The following SLC6A11 variants were observed in gnomAD, a reference collection of about 807,000 sequenced individuals.
SLC6A11 encodes the protein solute carrier family 6 member 11.
In SLC6A11, 25 loss-of-function variants were observed where a neutral mutation model predicts 74.8. The ratio of observed to expected loss-of-function variants is 0.33; its 90% CI spans 0.24 to 0.47. The LOEUF (loss-of-function observed/expected upper bound fraction) is 0.47, where lower values mean the gene tolerates loss of function less well. SLC6A11 is among the 20% of genes least tolerant of loss of function. The pLI, the probability that SLC6A11 is intolerant of heterozygous loss-of-function variation, is 1.00. For synonymous variants in SLC6A11, 330 were observed against 330.2 expected (o/e 1.00, Z 0.01); for missense variants, 574 against 837.0 (o/e 0.69, Z 3.88).
intron 7 of SLC6A11, among the ~76,000 whole-genome samples, chr3:10,914,948 C>T (rs1165800106): frequency 6.6e-6 from 1 of 152,114 alleles, no homozygotes. Context: ...ACCATGAGGA[C>T]GTGGGCTGGA....
At chr3:10,861,784 G>T (rs1559563183) in intron 5 of SLC6A11, among the ~76,000 whole-genome samples, 1 of 152,184 alleles carries the variant, frequency 6.6e-6, no homozygotes, top group Non-Finnish European at 1.5e-5. Context: ...GTGAGAACAA[G>T]AGGTGAGCAT....
intron 9 of SLC6A11, among the ~76,000 whole-genome samples, chr3:10,928,780 C>T (rs1032089987): frequency 1.3e-5 from 2 of 152,026 alleles, no homozygotes; most frequent in Non-Finnish European, 2.9e-5. Context: ...GAGCACGTAA[C>T]TCCCACTACA....
At chr3:10,893,071 T>A (rs896713680) in intron 6 of SLC6A11, among the ~76,000 whole-genome samples, 1 of 152,224 alleles carries the variant, frequency 6.6e-6, no homozygotes, top group South Asian at 2.1e-4. Flanking sequence ...AGCCTGTGGT[T>A]GTCATCTCAG....
intron 4 of SLC6A11, among the ~76,000 whole-genome samples, chr3:10,829,692 G>A (rs1339716514): frequency 2.6e-5 from 4 of 152,112 alleles, no homozygotes; most frequent in South Asian, 2.1e-4. Flanking sequence ...TATGGTAAAC[G>A]TACCCACCCC....
chr3:10,857,567 GC>G (rs1158340543), intron 5 of SLC6A11, among the ~76,000 whole-genome samples: 5 of 152,130 alleles, frequency 3.3e-5, no homozygotes. Flanking sequence ...AATTCACTCG[GC>G]TGAAGCCAGA....
At chr3:10,913,833 A>G (rs1292079369) in intron 7 of SLC6A11, among the ~76,000 whole-genome samples, 1 of 152,140 alleles carries the variant, frequency 6.6e-6, no homozygotes, top group African/African-American at 2.4e-5. Context: ...TGCTGGGACT[A>G]CAGGCGCCCG....
chr3:10,857,126 A>G (rs1694647319), intron 5 of SLC6A11, among the ~76,000 whole-genome samples: 2 of 152,210 alleles, frequency 1.3e-5, no homozygotes, highest in African/African-American at 2.4e-5. Context: ...AAGTGTTGTC[A>G]AATCCTGGCA....
intron 4 of SLC6A11, among the ~76,000 whole-genome samples, chr3:10,837,188 T>A (rs1694378120): frequency 6.6e-6 from 1 of 152,180 alleles, no homozygotes; most frequent in Non-Finnish European, 1.5e-5. Context: ...TGGGGAGAAT[T>A]GGGAAGGATG....
At chr3:10,870,322 G>T (rs1470553951) in intron 5 of SLC6A11, among the ~76,000 whole-genome samples, 1 of 152,164 alleles carries the variant, frequency 6.6e-6, no homozygotes, top group Non-Finnish European at 1.5e-5. Context: ...CTGTTGACCT[G>T]CAGGAGAGTC....
At chr3:10,851,402 GA>G (rs35692912) in intron 5 of SLC6A11, among the ~76,000 whole-genome samples, 42,255 of 142,138 alleles carry the variant, frequency 0.3, 6,458 homozygotes, top group South Asian at 0.52. Flanking sequence ...CCGAGGCAAG[GA>G]AAAAAAAAAA....
At chr3:10,842,398 G>A (rs1694449765) in intron 4 of SLC6A11, among the ~76,000 whole-genome samples, 3 of 152,280 alleles carry the variant, frequency 2.0e-5, no homozygotes, top group African/African-American at 7.2e-5. Context: ...TGGGTCTGGT[G>A]GGGGTGCAGA....
chr3:10,830,400 A>G (rs977188541), intron 4 of SLC6A11, among the ~76,000 whole-genome samples: 6 of 152,208 alleles, frequency 3.9e-5, no homozygotes, highest in African/African-American at 1.2e-4. Context: ...CAGAGCATCT[A>G]TGCACTCACA....
intron 5 of SLC6A11, among the ~76,000 whole-genome samples, chr3:10,872,461 G>A (rs539949593): frequency 6.6e-6 from 1 of 152,110 alleles, no homozygotes; most frequent in Non-Finnish European, 1.5e-5. Context: ...CACTTCTTTG[G>A]AGAAGCCCTT....
intron 5 of SLC6A11, among the ~76,000 whole-genome samples, chr3:10,854,794 C>T (rs1694618600): frequency 6.6e-6 from 1 of 152,218 alleles, no homozygotes; most frequent in South Asian, 2.1e-4. Context: ...CCTACCTCCT[C>T]TAGTGTAGAC....
At chr3:10,907,997 G>A (rs1695333018) in intron 6 of SLC6A11, among the ~76,000 whole-genome samples, 1 of 152,130 alleles carries the variant, frequency 6.6e-6, no homozygotes, top group Admixed American at 6.5e-5. Context: ...CTGGCATGCT[G>A]GTGCATGCCT....
intron 5 of SLC6A11, among the ~76,000 whole-genome samples, chr3:10,868,893 C>T (rs1319847263): frequency 6.6e-6 from 1 of 152,208 alleles, no homozygotes; most frequent in Admixed American, 6.5e-5. Flanking sequence ...CTTTTAAAGC[C>T]AAATCCTTTG....
chr3:10,819,896 C>T (rs1305581234), intron 3 of SLC6A11, 44 bp downstream of exon 3: 1 of 1,602,950 alleles, frequency 6.2e-7, no homozygotes. Flanking sequence ...GCTGGGTGAC[C>T]TGGGATTGGG....
chr3:10,849,027 A>G (rs1017332809), intron 5 of SLC6A11, among the ~76,000 whole-genome samples: 1 of 152,154 alleles, frequency 6.6e-6, no homozygotes, highest in African/African-American at 2.4e-5. Context: ...AAATGCATTG[A>G]TCATAGTTCT....
chr3:10,894,294 G>C (rs1296563543), intron 6 of SLC6A11, among the ~76,000 whole-genome samples: 1 of 152,242 alleles, frequency 6.6e-6, no homozygotes, highest in Non-Finnish European at 1.5e-5. Flanking sequence ...AATGTGAGCA[G>C]GTGGCAATGT....
Sources: allele counts gnomAD v4.1 joint callset (sites outside exome capture counted in the v4.1 genomes callset), GRCh38; gene constraint gnomAD v4.1.1; transcripts MANE v1.5; gene names NCBI Gene and HGNC (gene_info 2026-07-23, HGNC 2026-07-21).